PPP2R1B: variants seen among roughly 807,000 people sequenced by gnomAD.
PPP2R1B encodes the protein serine/threonine-protein phosphatase 2A 65 kDa regulatory subunit A beta isoform.
In PPP2R1B, 58 loss-of-function variants were observed where a neutral mutation model predicts 72.7. That is an observed-to-expected ratio of 0.80 (90% CI 0.65 to 0.99). The LOEUF is 0.99. PPP2R1B is among the 50% of genes least tolerant of loss of function. PPP2R1B has a pLI of 0.00. For synonymous variants in PPP2R1B, 256 were observed against 264.6 expected, an observed-to-expected ratio of 0.97 and a Z score of 0.32; for missense variants, 695 against 733.6, an observed-to-expected ratio of 0.95 and a Z score of 0.61.
At chr11:111,741,661 A>T (rs780235060) in intron 14 of PPP2R1B, 49 bp from the exon 15 acceptor site, 2 of 1,581,704 alleles carry the variant, frequency 1.3e-6, no homozygotes, top group Non-Finnish European at 1.7e-6. Flanking sequence ...AAGTTCACGA[A>T]CGATCTATGT....
chr11:111,720,150 C>T, the PPP2R1B span: 1 of 822,006 alleles, frequency 1.2e-6, no homozygotes, highest in Admixed American at 2.2e-5. Context: ...GTATAGCAGA[C>T]ACAGCCTGGC....
chr11:111,736,291 T>C (rs925256079), downstream of PPP2R1B, among the ~76,000 whole-genome samples: 1 of 152,164 alleles, frequency 6.6e-6, no homozygotes, highest in African/African-American at 2.4e-5. Flanking sequence ...AGGTCAGCCA[T>C]GGGAGGGCCG....
chr11:111,764,741 A>G, intron 3 of PPP2R1B, 64 bp downstream of exon 3: 2 of 1,525,572 alleles, frequency 1.3e-6, no homozygotes, highest in Non-Finnish European at 1.8e-6. Context: ...GTCTATCACC[A>G]AACAATGTAT....
chr11:111,759,696 T>A (rs1555050657), intron 5 of PPP2R1B, 108 bp downstream of exon 5: 1 of 1,268,818 alleles, frequency 7.9e-7, no homozygotes, highest in African/African-American at 1.5e-5. Context: ...TCAGCACTAA[T>A]TCTGTAAAAA....
intron 6 of PPP2R1B, 76 bp downstream of exon 6, chr11:111,755,219 C>T: frequency 6.5e-7 from 1 of 1,542,252 alleles, no homozygotes; most frequent in Admixed American, 2.0e-5. Context: ...AGAATTAATT[C>T]AGAAACTTTG....
chr11:111,729,444 G>C (rs929525731), intron 15 of PPP2R1B: 2 of 152,224 alleles, frequency 1.3e-5, no homozygotes, highest in African/African-American at 4.8e-5. Context: ...TATGAAATTA[G>C]CTGGGGAGAT....
chr11:111,709,839 T>C, the PPP2R1B span, among the ~76,000 whole-genome samples: 2 of 152,222 alleles, frequency 1.3e-5, no homozygotes, highest in Non-Finnish European at 2.9e-5. Context: ...CAGTCAGTTG[T>C]AGTAGTCCAG....
At chr11:111,743,601 T>A (rs1944602449) in intron 11 of PPP2R1B, 71 bp from the exon 12 acceptor site, 2 of 1,531,434 alleles carry the variant, frequency 1.3e-6, no homozygotes, top group African/African-American at 2.8e-5. Flanking sequence ...TTTACTTACA[T>A]GAAAATCAAA....
At chr11:111,700,607 T>G in the PPP2R1B span, among the ~76,000 whole-genome samples, 2 of 152,212 alleles carry the variant, frequency 1.3e-5, no homozygotes, top group Non-Finnish European at 1.5e-5. Context: ...AAGGCTGATT[T>G]TCTTTCACAT....
the PPP2R1B span, chr11:111,712,150 T>G: frequency 2.1e-6 from 3 of 1,458,182 alleles, no homozygotes; most frequent in Non-Finnish European, 2.8e-6. Context: ...TCTTAGAACT[T>G]TGTGTATTTA....
At chr11:111,759,979 C>A (rs782128917) in intron 4 of PPP2R1B, 28 bp from the exon 5 acceptor site, 7 of 1,607,226 alleles carry the variant, frequency 4.4e-6, no homozygotes, top group Non-Finnish European at 4.3e-6. Flanking sequence ...GAAGGTATTT[C>A]CCATCAAATA....
the PPP2R1B span, among the ~76,000 whole-genome samples, chr11:111,717,650 C>T: frequency 2.6e-5 from 4 of 152,162 alleles, no homozygotes; most frequent in East Asian, 5.8e-4. Context: ...TGAGTCTGCT[C>T]GTTGCAGCTC....
At chr11:111,709,044 A>G in the PPP2R1B span, among the ~76,000 whole-genome samples, 3 of 152,216 alleles carry the variant, frequency 2.0e-5, no homozygotes, top group African/African-American at 4.8e-5. Context: ...CCTGTTTGCT[A>G]GGGCTGCCGT....
chr11:111,742,786 A>T, intron 12 of PPP2R1B, 121 bp from the exon 13 acceptor site: 1 of 887,600 alleles, frequency 1.1e-6, no homozygotes, highest in Non-Finnish European at 1.6e-6. Context: ...TAGTTTGAGC[A>T]GCTGAGTGGG....
the PPP2R1B span, among the ~76,000 whole-genome samples, chr11:111,695,420 A>T: frequency 1.1e-4 from 16 of 151,938 alleles, no homozygotes; most frequent in East Asian, 1.9e-4. Context: ...TTCCTGTTTT[A>T]AAAAAAAGGA....
chr11:111,764,949 C>T, intron 2 of PPP2R1B, 44 bp from the exon 3 acceptor site: 1 of 1,604,348 alleles, frequency 6.2e-7, no homozygotes, highest in Admixed American at 1.7e-5. Context: ...GATAGCTCTC[C>T]CACAGCTGGA....
the PPP2R1B span, chr11:111,704,951 C>CGT: frequency 3.2e-6 from 5 of 1,565,898 alleles, no homozygotes; most frequent in African/African-American, 5.6e-5. Context: ...TTGGTCTTTA[C>CGT]AGTTCTTTGC....
At chr11:111,723,878 T>C (rs1406103490), downstream of PPP2R1B, 3 of 1,612,306 alleles carry the variant, frequency 1.9e-6, no homozygotes, top group African/African-American at 4.0e-5. Flanking sequence ...CCCCTTACAG[T>C]TCTCCTATCA....
rs531329449 is a variant in PPP2R1B, at chr11:111,750,880, C to G, written c.1338+1279G>C. On this transcript the variant is annotated intron_variant, in intron 10 of 14. Coordinates refer to ENST00000527614, the MANE Select transcript of PPP2R1B (RefSeq NM_002716.5). ...TTGACACAAAGTTTTACTCTGTTGCCCAGGCTGCAGTGCAGTAGTGCAATC... is the reference window on the plus strand; with the variant it reads ...TTGACACAAAGTTTTACTCTGTTGCGCAGGCTGCAGTGCAGTAGTGCAATC... 5.3e-5 allele frequency among the ~76,000 whole-genome samples: 8 copies of G among 151,736 alleles called. No individual in the cohort carries two copies. In the East Asian group the frequency reaches 9.7e-4, roughly 18 times the overall value.
Sources: gnomAD v4.1 joint callset for allele counts (sites outside exome capture counted in the v4.1 genomes callset) on GRCh38, gnomAD v4.1.1 for gene constraint, MANE v1.5 for transcripts, NCBI Gene and HGNC (gene_info 2026-07-23, HGNC 2026-07-21) for gene names.